WHRN: variants seen among roughly 807,000 people sequenced by gnomAD.
WHRN encodes the protein whirlin.
A neutral mutation model predicts 68.3 loss-of-function variants in WHRN; 41 were observed. The ratio of observed to expected loss-of-function variants is 0.60; its 90% CI spans 0.47 to 0.78. The LOEUF is 0.78. Among genes scored for constraint, WHRN ranks in the 30% least tolerant of loss-of-function variants. The pLI, the probability that WHRN is intolerant of heterozygous loss-of-function variation, is 0.00. For synonymous variants in WHRN, 560 were observed against 561.3 expected (o/e 1.00, Z 0.03); for missense variants, 1,243 against 1,244.7 (o/e 1.00, Z 0.02).
At chr9:114,404,566 G>C (rs1834890016) in intron 9 of WHRN, among the ~76,000 whole-genome samples, 1 of 152,144 alleles carries the variant, frequency 6.6e-6, no homozygotes, top group African/African-American at 2.4e-5. Flanking sequence ...GAGCCGAGTG[G>C]TGGGCACATG....
Position 114,423,338 on chromosome 9 carries a change from G to C in WHRN, c.1602C>G (p.Thr534=), listed in dbSNP as rs1365605925. 2 of 1,613,948 alleles carry C rather than the reference G, an allele frequency of 1.2e-6. No homozygotes were observed. Among genetic ancestry groups the C allele is most frequent in the Non-Finnish European group, 1.7e-6 (2 of 1,179,918 alleles). Residue 534 remains threonine (T), a synonymous_variant, in exon 7 of 12, where the codon ACC becomes ACG. Coordinates refer to ENST00000362057, the MANE Select transcript of WHRN (RefSeq NM_015404.4). ...CCCTGGCCGAGCTGACGGTGGTGGA[G>C]GTGCCGTGGCTGCCTGTGGATGAAC... ...DTGSSTGSHG[T]STTVSSARNT... is the part of the protein sequence containing the mutation.
intron 3 of WHRN, among the ~76,000 whole-genome samples, chr9:114,442,044 C>A (rs1356962257): frequency 3.9e-5 from 6 of 152,190 alleles, no homozygotes; most frequent in African/African-American, 1.2e-4. Context: ...CTAATCCAAT[C>A]ATAGCAACCA....
At chr9:114,490,904 T>C (rs1254939332) in intron 1 of WHRN, among the ~76,000 whole-genome samples, 1 of 152,268 alleles carries the variant, frequency 6.6e-6, no homozygotes, top group Admixed American at 6.5e-5. Context: ...TCCTCTTTAA[T>C]GCAATTCTTC....
chr9:114,412,555 A>G (rs980350159), intron 7 of WHRN, among the ~76,000 whole-genome samples: 4 of 152,200 alleles, frequency 2.6e-5, no homozygotes, highest in Non-Finnish European at 5.9e-5. Flanking sequence ...GCTGAACTCT[A>G]TTCAAGGCCC....
chr9:114,481,251 G>C (rs1289090843), intron 1 of WHRN, among the ~76,000 whole-genome samples: 3 of 152,230 alleles, frequency 2.0e-5, no homozygotes, highest in Non-Finnish European at 4.4e-5. Context: ...GGTGAGCCAG[G>C]AGGCACCCAG....
intron 1 of WHRN, chr9:114,503,273 C>A: frequency 1.2e-6 from 1 of 866,592 alleles, no homozygotes; most frequent in Non-Finnish European, 1.4e-6. Context: ...CATTTCTCTG[C>A]AGAAGCAGAG....
rs1289585279 is a variant in WHRN at position 114,406,540 on chromosome 9, T to C, written c.2051A>G (p.Gln684Arg). ...QHPIGPFPRVQSPPHLKSPSA... is the reference protein window; with the variant it reads ...QHPIGPFPRVRSPPHLKSPSA... ...GGGGCTTTTCAGGTGCGGGGGTGAC[T>C]GGACCCGTGGGAAGGGGCCGATGGG... The change falls in exon 9 of 12, where the codon CAG (glutamine) becomes CGG (arginine). Residue 684 changes from glutamine to arginine, a missense_variant. Physicochemically the swap from Gln to Arg is conservative, Grantham distance 43. Transcript: ENST00000362057. 3 of 1,613,104 alleles carry C rather than the reference T, an allele frequency of 1.9e-6. No homozygotes were observed. Among genetic ancestry groups the C allele is most frequent in the African/African-American group, 2.7e-5 (2 of 74,898 alleles).
intron 1 of WHRN, among the ~76,000 whole-genome samples, chr9:114,493,356 T>A (rs10982254): frequency 0.032 from 2,687 of 84,284 alleles, 70 homozygotes; most frequent in African/African-American, 0.085. Flanking sequence ...ATCTTTTTTT[T>A]AAAAAAAAAA....
In WHRN at chr9:114,504,325, G is replaced by A; in HGVS notation, c.477C>T (p.Gly159=). The change falls in exon 1 of 12, where the codon GGC becomes GGT. Residue 159 remains glycine (G), a synonymous_variant. Coordinates refer to ENST00000362057, the MANE Select transcript of WHRN (RefSeq NM_015404.4). ...HEGLGFSIRG[G]SEHGVGIYVS... ...CGTAGATGCCCACGCCGTGCTCCGA[G>A]CCCCCACGGATGCTGAAGCCCAAGC... is the stretch of plus-strand genomic sequence containing the variant. 6.2e-7 allele frequency: 1 copy of A among 1,611,272 alleles called. No homozygotes were observed. Among genetic ancestry groups the A allele is most frequent in the Non-Finnish European group, 8.5e-7 (1 of 1,180,028 alleles).
chr9:114,405,979 G>A (rs758201053), intron 9 of WHRN, among the ~76,000 whole-genome samples: 46 of 152,336 alleles, frequency 3.0e-4, no homozygotes, highest in Non-Finnish European at 4.9e-4. Context: ...TCTACTCCAG[G>A]CCAGGCCATG....
chr9:114,410,009 C>G (rs1835317342), intron 7 of WHRN, among the ~76,000 whole-genome samples: 1 of 152,104 alleles, frequency 6.6e-6, no homozygotes, highest in South Asian at 2.1e-4. Context: ...GGGCCCTTTC[C>G]TGCTACTCCA....
chr9:114,447,206 C>T (rs954054793), intron 3 of WHRN, among the ~76,000 whole-genome samples: 3 of 152,306 alleles, frequency 2.0e-5, no homozygotes, highest in African/African-American at 4.8e-5. Context: ...GCAGCCACAA[C>T]CAGCCCCCCT....
chr9:114,415,945 C>G (rs530828373), intron 7 of WHRN, among the ~76,000 whole-genome samples: 1 of 152,210 alleles, frequency 6.6e-6, no homozygotes, highest in African/African-American at 2.4e-5. Flanking sequence ...GTCCCTGCAG[C>G]TGGAGGGGCC....
rs764507473 is a variant in WHRN at position 114,489,614 on chromosome 9, TTAAG to T, written c.619-10847_619-10844del. ...GTTAACTCACTCCATTACTTTTGAC[TTAAG>T]TAAGAATCTTAATTATAAATGTATT... On this transcript the variant is annotated intron_variant, in intron 1 of 11. Transcript: ENST00000362057. 4.6e-5 allele frequency among the ~76,000 whole-genome samples: 7 copies of T among 152,306 alleles called. No homozygotes were observed. The East Asian group carries it at 7.7e-4, about 17-fold the overall frequency.
At chr9:114,501,107 C>T (rs988041614) in intron 1 of WHRN, among the ~76,000 whole-genome samples, 1 of 152,234 alleles carries the variant, frequency 6.6e-6, no homozygotes, top group Non-Finnish European at 1.5e-5. Flanking sequence ...GGGTCAGTGA[C>T]TTGCCCAAGG....
intron 3 of WHRN, among the ~76,000 whole-genome samples, chr9:114,452,586 T>G (rs1200808747): frequency 2.0e-5 from 3 of 152,198 alleles, no homozygotes; most frequent in Non-Finnish European, 4.4e-5. Context: ...CAGGCATTTT[T>G]GTTTGAGAAG....
Position 114,406,669 on chromosome 9 carries a change from G to C in WHRN, c.1922C>G (p.Ser641Cys), listed in dbSNP as rs377631924. 1.2e-6 allele frequency: 2 copies of C among 1,613,966 alleles called. No individual in the cohort carries two copies. The highest frequency in any genetic ancestry group is 8.5e-7 in the Non-Finnish European group (1 of 1,180,028). The change falls in exon 9 of 12, where the codon TCT becomes TGT. Residue 641 changes from serine (S) to cysteine (C), a missense_variant. Transcript: ENST00000362057. ...AGTAPTPGTS[S>C]AQDLPSSPIY... The stretch of plus-strand genomic sequence containing the variant: ...GGGGGAAGAGGGCAAGTCCTGTGCA[G>C]AGGAGGTCCCTGGGGTGGGTGCGGT...
intron 3 of WHRN, among the ~76,000 whole-genome samples, chr9:114,463,056 C>T (rs1189577009): frequency 6.6e-6 from 1 of 152,218 alleles, no homozygotes; most frequent in East Asian, 1.9e-4. Flanking sequence ...GTTACGTAAG[C>T]TGTTCATGCA....
At chr9:114,486,678 G>A (rs575987919) in intron 1 of WHRN, among the ~76,000 whole-genome samples, 327 of 152,038 alleles carry the variant, frequency 2.2e-3, no homozygotes, top group Non-Finnish European at 3.7e-3. Context: ...ATGGAATTTG[G>A]AGAGACAAGT....
Sources: gnomAD v4.1 joint callset for allele counts (sites outside exome capture counted in the v4.1 genomes callset) on GRCh38, gnomAD v4.1.1 for gene constraint, MANE v1.5 for transcripts, NCBI Gene and HGNC (gene_info 2026-07-23, HGNC 2026-07-21) for gene names.